TTLL7: variants seen among roughly 807,000 people sequenced by gnomAD.
TTLL7 encodes the protein tubulin tyrosine ligase like 7.
In TTLL7, 53 loss-of-function variants were observed where a neutral mutation model predicts 120.2. The observed-to-expected ratio is 0.44, with a 90% CI of 0.35 to 0.55. The LOEUF (loss-of-function observed/expected upper bound fraction) is 0.55, where lower values mean the gene tolerates loss of function less well. Among genes scored for constraint, TTLL7 ranks in the 20% least tolerant of loss-of-function variants. The probability of loss-of-function intolerance (pLI) is 0.00; values close to 1 mark genes in which losing one functional copy is unlikely to be tolerated. For missense variants in TTLL7, 803 were observed against 1,054.7 expected (o/e 0.76, Z 3.31); for synonymous variants, 353 against 351.7 (o/e 1.00, Z -0.04).
chr1:83,892,561 T>TATGA (rs1553129090), intron 18 of TTLL7, among the ~76,000 whole-genome samples: 11 of 107,252 alleles, frequency 1.0e-4, no homozygotes, highest in Non-Finnish European at 1.7e-4. Flanking sequence ...TATATGAACA[T>TATGA]ATGAACATAT....
At chr1:83,924,975 A>T (rs146442702) in intron 10 of TTLL7, among the ~76,000 whole-genome samples, 1 of 152,172 alleles carries the variant, frequency 6.6e-6, no homozygotes, top group African/African-American at 2.4e-5. Context: ...TGCCTTGTAC[A>T]TAATTCTAAG....
intron 1 of TTLL7, among the ~76,000 whole-genome samples, chr1:83,954,392 C>T (rs1649326654): frequency 6.6e-6 from 1 of 152,192 alleles, no homozygotes; most frequent in South Asian, 2.1e-4. Flanking sequence ...AGTGCTTTAA[C>T]AAACTCAAGG....
intron 1 of TTLL7, among the ~76,000 whole-genome samples, chr1:83,992,791 C>CTTTTTTT (rs367737528): frequency 2.0e-5 from 2 of 101,532 alleles, no homozygotes; most frequent in Non-Finnish European, 3.8e-5. Flanking sequence ...TATTCAAGTT[C>CTTTTTTT]TTTTTTTTTT....
At chr1:83,886,158 T>C (rs561273246) in intron 19 of TTLL7, among the ~76,000 whole-genome samples, 2 of 152,172 alleles carry the variant, frequency 1.3e-5, no homozygotes, top group South Asian at 4.1e-4. Flanking sequence ...AATCCAATAA[T>C]TTTCACCCAC....
intron 1 of TTLL7, among the ~76,000 whole-genome samples, chr1:83,988,514 C>G (rs567933094): frequency 6.6e-6 from 1 of 152,162 alleles, no homozygotes; most frequent in Non-Finnish European, 1.5e-5. Flanking sequence ...AGTGTATAAG[C>G]GTTCTCTTTT....
chr1:83,905,519 T>C (rs868194013), intron 17 of TTLL7, among the ~76,000 whole-genome samples: 1 of 134,662 alleles, frequency 7.4e-6, no homozygotes, highest in Non-Finnish European at 1.7e-5. Flanking sequence ...CCCTCTCCTC[T>C]GGGAAAAAAA....
chr1:83,898,061 A>G (rs1656403514), intron 18 of TTLL7, among the ~76,000 whole-genome samples: 1 of 151,900 alleles, frequency 6.6e-6, no homozygotes, highest in Non-Finnish European at 1.5e-5. Context: ...GTAATATCTA[A>G]TTCTGCACTC....
At chr1:83,961,416 C>A (rs1449025684) in intron 1 of TTLL7, among the ~76,000 whole-genome samples, 1 of 152,024 alleles carries the variant, frequency 6.6e-6, no homozygotes, top group Non-Finnish European at 1.5e-5. Flanking sequence ...ATTAGAGCAA[C>A]CACACAAATG....
chr1:83,886,429 T>C (rs1394481622), intron 19 of TTLL7, among the ~76,000 whole-genome samples: 1 of 151,958 alleles, frequency 6.6e-6, no homozygotes, highest in Non-Finnish European at 1.5e-5. Flanking sequence ...AACAGAAAGA[T>C]TAATGACCTA....
rs1254619817 is a variant in TTLL7 at position 83,921,365 on chromosome 1, T to C, written c.1172A>G (p.Lys391Arg). 2 of 1,611,620 alleles carry C rather than the reference T, an allele frequency of 1.2e-6. No homozygotes were observed. The highest frequency in any genetic ancestry group is 1.7e-5 in the Admixed American group (1 of 59,846). ...CCTCCTTTGAGCCTCAGCTTTTTGTTTGGCCAAGTTTCTTCTTTTGTCACT... is the reference window on the plus strand; with the variant it reads ...CCTCCTTTGAGCCTCAGCTTTTTGTCTGGCCAAGTTTCTTCTTTTGTCACT... Reference protein sequence around the residue: ...RTSDKRRNLAKQKAEAQRRLY... With the variant: ...RTSDKRRNLARQKAEAQRRLY... The change falls in exon 11 of 21, where the codon AAA (lysine) becomes AGA (arginine). Residue 391 changes from lysine (K) to arginine (R), a missense_variant. Physicochemically the swap from Lys to Arg is conservative, Grantham distance 26 (BLOSUM62 2). Transcript: ENST00000260505.
In TTLL7 at chr1:83,947,481, C is replaced by T. The variant is rs138739021; in HGVS notation, c.348-199G>A. 1.1e-3 allele frequency: 489 copies of T among 447,292 alleles called. 3 individuals carry two copies. Among genetic ancestry groups the T allele is most frequent in the Non-Finnish European group, 9.3e-4 (245 of 262,466 alleles). 27.7% of individuals were successfully genotyped at this position (447,292 alleles called of 1,614,324 possible). ...ACACTATTCTGGACTATGGATTCAT[C>T]AGTGAAAAAAAAAAACAACCTTGCC... On this transcript the variant is annotated intron_variant, in intron 5 of 20. Coordinates refer to ENST00000260505, the MANE Select transcript of TTLL7 (RefSeq NM_024686.6).
intron 1 of TTLL7, chr1:83,983,732 A>G (rs1168155584): frequency 6.6e-6 from 1 of 152,344 alleles, no homozygotes; most frequent in Non-Finnish European, 1.5e-5. Flanking sequence ...TGACAAAGCT[A>G]TAATATCCAG....
At chr1:83,878,750 T>A (rs762238924) in intron 20 of TTLL7, among the ~76,000 whole-genome samples, 1 of 152,116 alleles carries the variant, frequency 6.6e-6, no homozygotes, top group East Asian at 1.9e-4. Context: ...GAAATGAGCT[T>A]ATATGAAAGC....
At chr1:83,923,507 T>C (rs967368411) in intron 10 of TTLL7, among the ~76,000 whole-genome samples, 5 of 151,904 alleles carry the variant, frequency 3.3e-5, no homozygotes, top group Admixed American at 1.3e-4. Flanking sequence ...AAAACACTCA[T>C]AGACAAAGAT....
At chr1:83,929,424 C>CA (rs1444807059) in intron 9 of TTLL7, among the ~76,000 whole-genome samples, 194 bp from the exon 10 acceptor site, 1 of 152,138 alleles carries the variant, frequency 6.6e-6, no homozygotes, top group Non-Finnish European at 1.5e-5. Flanking sequence ...AAGGGATTGA[C>CA]TATTAGCACC....
chr1:83,972,163 T>C (rs530055619), intron 1 of TTLL7, among the ~76,000 whole-genome samples: 1 of 152,080 alleles, frequency 6.6e-6, no homozygotes, highest in Non-Finnish European at 1.5e-5. Context: ...GTTCACTCAG[T>C]GTTGTACATT....
chr1:83,911,459 G>T, intron 14 of TTLL7, 96 bp from the exon 15 acceptor site: 1 of 961,388 alleles, frequency 1.0e-6, no homozygotes, highest in Non-Finnish European at 1.5e-6. Context: ...TATGCTTGCT[G>T]CTTTTTACTG....
At chr1:83,929,864 G>A (rs904137411) in intron 9 of TTLL7, among the ~76,000 whole-genome samples, 1 of 152,096 alleles carries the variant, frequency 6.6e-6, no homozygotes, top group African/African-American at 2.4e-5. Flanking sequence ...ACACTGCTGA[G>A]TTCAACACAA....
chr1:83,966,094 G>A (rs887476612), intron 1 of TTLL7, among the ~76,000 whole-genome samples: 15 of 152,120 alleles, frequency 9.9e-5, no homozygotes, highest in East Asian at 1.9e-4. Context: ...CTTTGTAGAC[G>A]AAATTAACAT....
Sources: allele counts gnomAD v4.1 joint callset (sites outside exome capture counted in the v4.1 genomes callset), GRCh38; gene constraint gnomAD v4.1.1; transcripts MANE v1.5; gene names NCBI Gene and HGNC (gene_info 2026-07-23, HGNC 2026-07-21).